FBXO42: variants seen among roughly 807,000 people sequenced by gnomAD.
FBXO42 encodes F-box only protein 42.
FBXO42 carries 12 observed loss-of-function variants against 71.7 expected under a neutral mutation model. The ratio of observed to expected loss-of-function variants is 0.17; its 90% CI spans 0.11 to 0.27. The LOEUF (loss-of-function observed/expected upper bound fraction) is 0.27, where lower values mean the gene tolerates loss of function less well. Among genes scored for constraint, FBXO42 ranks in the 10% least tolerant of loss-of-function variants. The pLI, the probability that FBXO42 is intolerant of heterozygous loss-of-function variation, is 1.00. For synonymous variants in FBXO42, 325 were observed against 327.5 expected (o/e 0.99, Z 0.08); for missense variants, 707 against 911.9 (o/e 0.78, Z 2.89).
rs557068092 is a variant in FBXO42, at chr1:16,331,848, C to T, written c.-17-16413G>A. On this transcript the variant is annotated intron_variant, in intron 1 of 9. Coordinates refer to ENST00000375592, the MANE Select transcript of FBXO42 (RefSeq NM_018994.3). ...CGCAGATCACCTGAGGTCAGGAGTT[C>T]GAGACCAGCCTGACCAACATGGAGA... Among the ~76,000 whole-genome samples the T allele has an allele frequency of 9.2e-5, 14 of 151,834 alleles. No homozygotes were observed. The East Asian group carries it at 2.1e-3, about 23-fold the overall frequency.
chr1:16,339,499 GAC>G (rs2082583103), intron 1 of FBXO42, among the ~76,000 whole-genome samples: 1 of 151,744 alleles, frequency 6.6e-6, no homozygotes, highest in African/African-American at 2.4e-5. Context: ...TTTCAGTAGA[GAC>G]AGAGTTTCAC....
chr1:16,279,846 T>TTTCTTTTC (rs2081942324), intron 4 of FBXO42, among the ~76,000 whole-genome samples: 5 of 80,304 alleles, frequency 6.2e-5, no homozygotes, highest in African/African-American at 2.4e-4. Context: ...GACAATGGTT[T>TTTCTTTTC]TTTTTTTCTT....
chr1:16,262,454 C>T (rs2081724841), intron 4 of FBXO42, among the ~76,000 whole-genome samples: 1 of 152,132 alleles, frequency 6.6e-6, no homozygotes, highest in Non-Finnish European at 1.5e-5. Flanking sequence ...AGCCTGTAAT[C>T]CTAGCACTTT....
intron 1 of FBXO42, among the ~76,000 whole-genome samples, chr1:16,333,442 C>T (rs914270694): frequency 2.9e-5 from 4 of 137,660 alleles, no homozygotes; most frequent in African/African-American, 7.9e-5. Flanking sequence ...TGAGACCCCC[C>T]CCCCCCATTT....
At chr1:16,260,183 A>G (rs908397991) in intron 4 of FBXO42, among the ~76,000 whole-genome samples, 27 of 150,834 alleles carry the variant, frequency 1.8e-4, no homozygotes, top group African/African-American at 6.3e-4. Flanking sequence ...TTTATTGAGC[A>G]TCTACATCTA....
intron 4 of FBXO42, among the ~76,000 whole-genome samples, chr1:16,287,953 T>C (rs948778735): frequency 6.6e-6 from 1 of 151,918 alleles, no homozygotes; most frequent in African/African-American, 2.4e-5. Context: ...AAAAATAGCC[T>C]GGCCAACGTG....
intron 4 of FBXO42, among the ~76,000 whole-genome samples, chr1:16,271,258 G>GGTGTGTGTGTGTGTGTGT (rs57827739): frequency 1.3e-4 from 18 of 137,506 alleles, no homozygotes; most frequent in East Asian, 9.1e-4. Context: ...TGTGTGTGTT[G>GGTGTGTGTGTGTGTGTGT]GTGTGTGTGT....
rs2081776312 is a variant in FBXO42, at chr1:16,266,593, C to G, written c.503-9834G>C. ...CCAGATAGACCAGTTAACTAAAACC[C>G]TACCCCACAGATGCTGTTTTTTGTT... is the stretch of plus-strand genomic sequence containing the variant. On this transcript the variant is annotated intron_variant, in intron 4 of 9. Transcript: ENST00000375592. 2.0e-5 allele frequency among the ~76,000 whole-genome samples: 3 copies of G among 152,192 alleles called. No individual in the cohort carries two copies. In the South Asian group the frequency reaches 6.2e-4, roughly 32 times the overall value.
chr1:16,292,191 G>A (rs1393085026), intron 4 of FBXO42: 1 of 152,184 alleles, frequency 6.6e-6, no homozygotes, highest in Non-Finnish European at 1.5e-5. Context: ...ATATTCCATA[G>A]AGAATGTAAA....
At chr1:16,307,847 G>C (rs1031489821) in intron 2 of FBXO42, among the ~76,000 whole-genome samples, 1 of 152,158 alleles carries the variant, frequency 6.6e-6, no homozygotes, top group African/African-American at 2.4e-5. Context: ...ATATTGTCAA[G>C]ATGTCAGTTC....
chr1:16,265,349 C>T (rs1344634699), intron 4 of FBXO42, among the ~76,000 whole-genome samples: 1 of 152,132 alleles, frequency 6.6e-6, no homozygotes, highest in Non-Finnish European at 1.5e-5. Context: ...TCTTGGCCCC[C>T]CAAAGTGCTG....
chr1:16,328,685 G>C (rs2082470960), intron 1 of FBXO42, among the ~76,000 whole-genome samples: 1 of 152,098 alleles, frequency 6.6e-6, no homozygotes, highest in Admixed American at 6.6e-5. Context: ...TTAACTGCAA[G>C]GGCCTACAAG....
At chr1:16,341,149 C>T (rs2082600877) in intron 1 of FBXO42, among the ~76,000 whole-genome samples, 1 of 152,084 alleles carries the variant, frequency 6.6e-6, no homozygotes, top group Non-Finnish European at 1.5e-5. Context: ...AGTAGGAAAA[C>T]CTTTTGCATA....
chr1:16,283,494 GTTTT>G (rs386366300), intron 4 of FBXO42, among the ~76,000 whole-genome samples: 9 of 80,972 alleles, frequency 1.1e-4, no homozygotes, highest in African/African-American at 3.1e-4. Context: ...ACTGTGGCAA[GTTTT>G]TTTTTTTTTT....
At chr1:16,308,195 G>C (rs1035827959) in intron 2 of FBXO42, among the ~76,000 whole-genome samples, 3 of 152,040 alleles carry the variant, frequency 2.0e-5, no homozygotes, top group African/African-American at 7.2e-5. Flanking sequence ...TGTCCAGACT[G>C]GTCTCAAACT....
Position 16,248,387 on chromosome 1 carries a change from G to A in FBXO42, c.*2283C>T, listed in dbSNP as rs2081556476. On this transcript the variant is annotated 3_prime_UTR_variant, in exon 10 of 10. Transcript: ENST00000375592. ...ATGCGTCAAACTGGAATTCAATGGA[G>A]TTCAGAGGAACCAGATTACTTTCTA... is the stretch of plus-strand genomic sequence containing the variant. The A allele has an allele frequency of 6.6e-6, 1 of 152,180 alleles. No homozygotes were observed. The highest frequency in any genetic ancestry group is 2.1e-4 in the South Asian group (1 of 4,834). The allele number at this position is 152,180 out of a possible 1,614,324, so 9.4% of individuals were successfully genotyped here.
intron 2 of FBXO42, 25 bp downstream of exon 2, chr1:16,315,143 AT>A (rs1384571316): frequency 1.3e-5 from 21 of 1,563,404 alleles, no homozygotes; most frequent in Non-Finnish European, 1.8e-5. Flanking sequence ...AAATCAATAA[AT>A]AAACCTTTCT....
chr1:16,292,774 T>C (rs544518695), intron 4 of FBXO42: 1 of 152,226 alleles, frequency 6.6e-6, no homozygotes, highest in East Asian at 1.9e-4. Context: ...GTTTACAAAA[T>C]AAAGACAGTA....
At chr1:16,263,675 A>G (rs2081738788) in intron 4 of FBXO42, among the ~76,000 whole-genome samples, 1 of 151,364 alleles carries the variant, frequency 6.6e-6, no homozygotes, top group Non-Finnish European at 1.5e-5. Context: ...GTGAGCCAAG[A>G]TCGCACCGTT....
Sources: allele counts gnomAD v4.1 joint callset (sites outside exome capture counted in the v4.1 genomes callset), GRCh38; gene constraint gnomAD v4.1.1; transcripts MANE v1.5; gene names NCBI Gene and HGNC (gene_info 2026-07-23, HGNC 2026-07-21).